WDR27: variants seen among roughly 807,000 people sequenced by gnomAD.
WDR27 encodes the protein WD repeat-containing protein 27.
A neutral mutation model predicts 114.4 loss-of-function variants in WDR27; 100 were observed. The observed-to-expected ratio is 0.87, with a 90% CI of 0.74 to 1.03. The LOEUF is 1.03. Ranked by LOEUF, WDR27 falls within the 50% of genes least tolerant of loss-of-function variation. The pLI is 0.00. For synonymous variants in WDR27, 449 were observed against 423.1 expected (o/e 1.06, Z -0.75); for missense variants, 1,129 against 1,092.9 (o/e 1.03, Z -0.47).
At chr6:169,517,661 T>G (rs1308261218) in intron 25 of WDR27, among the ~76,000 whole-genome samples, 2 of 151,950 alleles carry the variant, frequency 1.3e-5, no homozygotes, top group African/African-American at 4.9e-5. Context: ...CTGGCAACAA[T>G]GGACCCTCTT....
chr6:169,455,444 TTTACG>T (rs1411944045), downstream of WDR27, among the ~76,000 whole-genome samples: 1 of 152,204 alleles, frequency 6.6e-6, no homozygotes. Flanking sequence ...ACCAACCAGT[TTTACG>T]TTACAACACA....
chr6:169,600,806 G>C (rs962678370), intron 23 of WDR27, among the ~76,000 whole-genome samples: 8 of 152,266 alleles, frequency 5.3e-5, no homozygotes, highest in Admixed American at 2.0e-4. Flanking sequence ...AAGAAATATG[G>C]GACTATGTGA....
At chr6:169,515,113 T>C (rs1176918599) in intron 25 of WDR27, among the ~76,000 whole-genome samples, 1 of 152,154 alleles carries the variant, frequency 6.6e-6, no homozygotes, top group African/African-American at 2.4e-5. Context: ...GTCGTGGGTC[T>C]TTAAATTAGT....
chr6:169,520,415 C>A (rs906004987), intron 25 of WDR27, among the ~76,000 whole-genome samples: 48 of 152,040 alleles, frequency 3.2e-4, no homozygotes, highest in African/African-American at 1.2e-3. Context: ...TTTTAGTAAA[C>A]ATATCTGATA....
intron 2 of WDR27, among the ~76,000 whole-genome samples, chr6:169,683,433 A>C (rs1234800316): frequency 6.6e-6 from 1 of 152,168 alleles, no homozygotes; most frequent in East Asian, 1.9e-4. Flanking sequence ...AAAAAATGCC[A>C]ATCAAGCATA....
intron 19 of WDR27, 59 bp from the exon 20 acceptor site, chr6:169,634,584 C>T: frequency 9.4e-7 from 1 of 1,062,328 alleles, no homozygotes. Flanking sequence ...CAACTAAACA[C>T]CTTATCTTTA....
At chr6:169,499,755 C>A (rs545034432) in intron 25 of WDR27, among the ~76,000 whole-genome samples, 10 of 152,346 alleles carry the variant, frequency 6.6e-5, no homozygotes, top group African/African-American at 2.4e-4. Flanking sequence ...TGGGACCCTG[C>A]CAAGTGGGCC....
intron 13 of WDR27, among the ~76,000 whole-genome samples, chr6:169,656,925 G>C (rs1199992238): frequency 6.6e-6 from 1 of 152,216 alleles, no homozygotes; most frequent in Admixed American, 6.5e-5. Context: ...GAGTCAGCTT[G>C]GCCCAGAGGC....
chr6:169,659,046 G>A lies in WDR27; in HGVS notation c.1319+40C>T, dbSNP rs774037635. 2.0e-6 allele frequency: 3 copies of A among 1,490,672 alleles called. No individual in the cohort carries two copies. Among genetic ancestry groups the A allele is most frequent in the Non-Finnish European group, 2.7e-6 (3 of 1,122,342 alleles). The allele number at this position is 1,490,672 out of a possible 1,614,324, so 92.3% of individuals were successfully genotyped here. ...ATAGAAATCCAGATGGCACTTATTG[G>A]TGAACACACACACACACTCCACACT... On this transcript the variant is annotated intron_variant, in intron 12 of 25. Transcript: ENST00000448612. This position sits in a 1 kb window ranked among gnomAD's most constrained non-coding sequence, Gnocchi z 4.3.
At chr6:169,557,399 TG>T (rs1326568435) in intron 25 of WDR27, among the ~76,000 whole-genome samples, 3 of 152,156 alleles carry the variant, frequency 2.0e-5, no homozygotes, top group African/African-American at 7.2e-5. Context: ...ACTGGGGACG[TG>T]GGGAAGACCC....
chr6:169,672,137 A>G (rs1585069789), intron 3 of WDR27, 118 bp downstream of exon 3: 3 of 1,048,656 alleles, frequency 2.9e-6, no homozygotes, highest in African/African-American at 1.6e-5. Flanking sequence ...ATTATCCCAA[A>G]CCCCCCGAGG....
rs376984498 is a variant in WDR27 at position 169,607,797 on chromosome 6, A to T, written c.2322-5476T>A. On this transcript the variant is annotated intron_variant, in intron 22 of 25. Coordinates refer to ENST00000448612, the MANE Select transcript of WDR27 (RefSeq NM_182552.5). The stretch of plus-strand genomic sequence containing the variant: ...TATACAAATAAAAAATAAATAAGCA[A>T]TAATCACTAGAAAATGGATGTTGTT... Among the ~76,000 whole-genome samples the T allele has an allele frequency of 2.0e-4, 30 of 152,336 alleles. No homozygotes were observed. In the East Asian group the frequency reaches 2.7e-3, roughly 14 times the overall value.
At chr6:169,566,079 G>A (rs1800420933) in intron 25 of WDR27, among the ~76,000 whole-genome samples, 1 of 148,100 alleles carries the variant, frequency 6.8e-6, no homozygotes, top group Non-Finnish European at 1.5e-5. Flanking sequence ...AAAACATTTT[G>A]TAATGTATTG....
rs567699863 is a variant in WDR27, at chr6:169,564,246, C to G, written c.2645+8173G>C. On this transcript the variant is annotated intron_variant, in intron 25 of 25. Transcript: ENST00000448612. ...TGGGAGAAAGATGGAGGCCAGGAGA[C>G]TCAGCAAGTCTAGTCCTTCCACGTT... 7.7e-4 allele frequency among the ~76,000 whole-genome samples: 117 copies of G among 152,326 alleles called. 2 individuals carry two copies. Among genetic ancestry groups the G allele is most frequent in the Non-Finnish European group, 1.5e-3 (99 of 68,030 alleles).
At chr6:169,546,993 G>C (rs1206113733) in intron 25 of WDR27, among the ~76,000 whole-genome samples, 9 of 151,662 alleles carry the variant, frequency 5.9e-5, no homozygotes, top group Admixed American at 5.9e-4. Context: ...TGAAAGAGGG[G>C]ACACCACAAG....
chr6:169,452,116 C>A, the WDR27 span, among the ~76,000 whole-genome samples: 2 of 152,168 alleles, frequency 1.3e-5, no homozygotes, highest in African/African-American at 2.4e-5. Context: ...TGTTCCACAT[C>A]TTTGAAAGAA....
At chr6:169,626,623 C>T (rs925904115) in intron 21 of WDR27, among the ~76,000 whole-genome samples, 2 of 152,224 alleles carry the variant, frequency 1.3e-5, no homozygotes, top group Non-Finnish European at 2.9e-5. Flanking sequence ...GGAAGGTGAT[C>T]CTGAGGATGA....
intron 25 of WDR27, among the ~76,000 whole-genome samples, chr6:169,533,362 A>G (rs1382469509): frequency 1.3e-5 from 2 of 152,158 alleles, no homozygotes; most frequent in Non-Finnish European, 2.9e-5. Context: ...TGAGTCTTAT[A>G]TCCTATGCCC....
the WDR27 span, among the ~76,000 whole-genome samples, chr6:169,443,540 GC>G: frequency 1.3e-5 from 2 of 152,158 alleles, no homozygotes; most frequent in Admixed American, 6.5e-5. Flanking sequence ...GGGTGCTCTG[GC>G]CCTGCTGACC....
Sources: allele counts gnomAD v4.1 joint callset (sites outside exome capture counted in the v4.1 genomes callset), GRCh38; gene constraint gnomAD v4.1.1; non-coding constraint Gnocchi (gnomAD v3.1); transcripts MANE v1.5; gene names NCBI Gene and HGNC (gene_info 2026-07-23, HGNC 2026-07-21).